Variants in FAT3 observed in about 807,000 individuals in gnomAD.
The protein encoded by FAT3 is FAT atypical cadherin 3.
FAT3 carries 95 observed loss-of-function variants against 310.2 expected under a neutral mutation model. The observed-to-expected ratio is 0.31, with a 90% CI of 0.26 to 0.36. The LOEUF is 0.36. Among genes scored for constraint, FAT3 ranks in the 10% least tolerant of loss-of-function variants. The probability of loss-of-function intolerance (pLI) is 1.00; values close to 1 mark genes in which losing one functional copy is unlikely to be tolerated. For missense variants in FAT3, 5,408 were observed against 5,715.6 expected (o/e 0.95, Z 1.74); for synonymous variants, 2,314 against 2,192.9 (o/e 1.06, Z -1.54).
At chr11:92,268,546 C>G (rs1386263100) in intron 1 of FAT3, among the ~76,000 whole-genome samples, 1 of 151,970 alleles carries the variant, frequency 6.6e-6, no homozygotes, top group Non-Finnish European at 1.5e-5. Flanking sequence ...CCCCAACCTT[C>G]CCCATTCTTT....
chr11:92,284,295 G>T (rs532173349), intron 1 of FAT3, among the ~76,000 whole-genome samples: 4 of 152,084 alleles, frequency 2.6e-5, no homozygotes, highest in Non-Finnish European at 5.9e-5. Context: ...ACTACAGGGA[G>T]TGTTTCCGTT....
intron 3 of FAT3, among the ~76,000 whole-genome samples, chr11:92,641,918 A>T (rs1941978237): frequency 6.6e-6 from 1 of 152,260 alleles, no homozygotes; most frequent in Admixed American, 6.5e-5. Flanking sequence ...TACCAATACC[A>T]AATGCTACTG....
intron 21 of FAT3, among the ~76,000 whole-genome samples, chr11:92,860,175 A>T (rs1001450208): frequency 2.6e-5 from 4 of 152,196 alleles, no homozygotes; most frequent in Non-Finnish European, 5.9e-5. Context: ...AGCAAACAAG[A>T]TAACAGCTTT....
intron 21 of FAT3, among the ~76,000 whole-genome samples, chr11:92,859,691 C>A (rs1784428052): frequency 6.6e-6 from 1 of 152,152 alleles, no homozygotes; most frequent in Non-Finnish European, 1.5e-5. Context: ...TCTATCCCCA[C>A]TGACTTTTGA....
chr11:92,436,906 G>A (rs540012035), intron 2 of FAT3, among the ~76,000 whole-genome samples: 8 of 152,206 alleles, frequency 5.3e-5, no homozygotes, highest in African/African-American at 1.4e-4. Context: ...TTTTACACTT[G>A]CCATGGAAGC....
intron 3 of FAT3, among the ~76,000 whole-genome samples, chr11:92,610,364 C>G (rs887723412): frequency 2.0e-5 from 3 of 152,152 alleles, no homozygotes; most frequent in Non-Finnish European, 4.4e-5. Flanking sequence ...CACAGGCCTT[C>G]AAACAGGTTT....
intron 1 of FAT3, among the ~76,000 whole-genome samples, chr11:92,291,549 C>T (rs1349377623): frequency 6.6e-6 from 1 of 150,574 alleles, no homozygotes; most frequent in East Asian, 1.9e-4. Context: ...TCTGTCTTTG[C>T]CTTACAGATA....
Position 92,352,404 on chromosome 11 carries a change from A to G in FAT3, c.292A>G (p.Ile98Val). 6.2e-7 allele frequency: 1 copy of G among 1,611,622 alleles called. No homozygotes were observed. The highest frequency in any genetic ancestry group is 8.5e-7 in the Non-Finnish European group (1 of 1,178,912). Residue 98 changes from isoleucine (I) to valine (V), a missense_variant, in exon 2 of 28, where the codon ATC (isoleucine) becomes GTC (valine). By Grantham distance (29) the Ile-to-Val change is conservative. Transcript: ENST00000525166. ...EEGFFKAEEV[I>V]IADFCFLRIR... ...AGGCTTTTTCAAAGCAGAGGAAGTC[A>G]TCATTGCAGATTTCTGTTTTCTCAG...
At chr11:92,674,038 G>A (rs562510784) in intron 3 of FAT3, among the ~76,000 whole-genome samples, 21 of 151,904 alleles carry the variant, frequency 1.4e-4, no homozygotes, top group African/African-American at 2.7e-4. Flanking sequence ...AAAATTAGCC[G>A]GGTGTGGTGG....
chr11:92,484,250 G>C (rs543667811), intron 2 of FAT3, among the ~76,000 whole-genome samples: 1 of 151,996 alleles, frequency 6.6e-6, no homozygotes, highest in Non-Finnish European at 1.5e-5. Flanking sequence ...TTCCTCCTTA[G>C]CAGTTTTATG....
intron 2 of FAT3, among the ~76,000 whole-genome samples, chr11:92,386,275 A>G (rs914510246): frequency 1.4e-4 from 21 of 152,198 alleles, no homozygotes; most frequent in African/African-American, 5.1e-4. Flanking sequence ...CTGTTCAGCT[A>G]TGGGATTTGG....
intron 3 of FAT3, among the ~76,000 whole-genome samples, chr11:92,679,710 C>A (rs188147680): frequency 0.016 from 2,439 of 151,732 alleles, 52 homozygotes; most frequent in African/African-American, 0.056. Flanking sequence ...GGCGTGGTGG[C>A]AAGCACCTGT....
At chr11:92,484,286 A>G (rs949791638) in intron 2 of FAT3, among the ~76,000 whole-genome samples, 6 of 152,120 alleles carry the variant, frequency 3.9e-5, no homozygotes, top group African/African-American at 7.2e-5. Context: ...TATTTTATTT[A>G]CTTTCTTATG....
intron 2 of FAT3, among the ~76,000 whole-genome samples, chr11:92,362,078 G>C (rs1157913413): frequency 6.6e-6 from 1 of 152,132 alleles, no homozygotes; most frequent in Admixed American, 6.6e-5. Flanking sequence ...GGTGTTATGA[G>C]GAAAGACTCA....
chr11:92,569,891 A>C (rs1287342247), intron 3 of FAT3, among the ~76,000 whole-genome samples: 3 of 152,130 alleles, frequency 2.0e-5, no homozygotes, highest in African/African-American at 7.2e-5. Flanking sequence ...CCAACAGCTC[A>C]TGCTCTCTGG....
At chr11:92,509,565 G>A (rs774057026) in intron 2 of FAT3, among the ~76,000 whole-genome samples, 1 of 152,122 alleles carries the variant, frequency 6.6e-6, no homozygotes, top group African/African-American at 2.4e-5. Flanking sequence ...TAGGGTATAT[G>A]GCAGTGATGG....
At chr11:92,534,815 G>A (rs73548563) in intron 3 of FAT3, among the ~76,000 whole-genome samples, 2,041 of 152,246 alleles carry the variant, frequency 0.013, 53 homozygotes, top group African/African-American at 0.047. Flanking sequence ...ACATACAAAT[G>A]TATTTAACTG....
In FAT3 at chr11:92,844,466, A is replaced by G. The variant is rs1398253081; in HGVS notation, c.11099A>G (p.Asp3700Gly). 1.2e-6 allele frequency: 2 copies of G among 1,613,982 alleles called. No individual in the cohort carries two copies. The highest frequency in any genetic ancestry group is 2.2e-5 in the East Asian group (1 of 44,876). ...CCCGTGGCAGGCACCAACCAACTGG[A>G]CATGCTGTTTGCGGTGGAGATGCAC... ...IQPVAGTNQL[D>G]MLFAVEMHSS... The change falls in exon 19 of 28, where the codon GAC becomes GGC. Residue 3700 changes from aspartate to glycine, a missense_variant. By Grantham distance (94) the Asp-to-Gly change is moderately conservative. Around this residue, in one of 5 missense-constraint regions of FAT3, gnomAD observed 4,588 missense variants for 4,809.8 expected, o/e 0.95. Coordinates refer to ENST00000525166, the MANE Select transcript of FAT3 (RefSeq NM_001367949.2).
At chr11:92,745,693 G>A (rs1325023992) in intron 4 of FAT3, among the ~76,000 whole-genome samples, 1 of 151,960 alleles carries the variant, frequency 6.6e-6, no homozygotes, top group Non-Finnish European at 1.5e-5. Context: ...TGCTGCCAAA[G>A]TGAATTGGTC....
Sources: allele counts gnomAD v4.1 joint callset (sites outside exome capture counted in the v4.1 genomes callset), GRCh38; gene constraint gnomAD v4.1.1; regional missense constraint gnomAD v4.1.1; transcripts MANE v1.5; gene names NCBI Gene and HGNC (gene_info 2026-07-23, HGNC 2026-07-21).